Variants in SMC4 observed in about 807,000 individuals in gnomAD.
SMC4 encodes the protein structural maintenance of chromosomes 4, also known as structural maintenance of chromosomes protein 4.
A neutral mutation model predicts 145.6 loss-of-function variants in SMC4; 87 were observed. The observed-to-expected ratio is 0.60, with a 90% CI of 0.50 to 0.71. The LOEUF is 0.71. Among genes scored for constraint, SMC4 ranks in the 30% least tolerant of loss-of-function variants. The pLI is 0.00. For missense variants in SMC4, 1,447 were observed against 1,537.1 expected (o/e 0.94, Z 0.98); for synonymous variants, 558 against 500.7 (o/e 1.11, Z -1.53).
Position 160,400,825 on chromosome 3 carries a change from C to T in SMC4, c.-2C>T. 1 of 1,534,636 alleles carries T rather than the reference C, an allele frequency of 6.5e-7. No individual in the cohort carries two copies. Among genetic ancestry groups the T allele is most frequent in the Non-Finnish European group, 8.7e-7 (1 of 1,150,674 alleles). On this transcript the variant is annotated 5_prime_UTR_variant, in exon 2 of 24. Transcript: ENST00000357388. ...CCCGGCTGTCCCCCGGCCCCAGCGA[C>T]CATGCCCCGTAAAGGCACCCAGCCC...
chr3:160,431,487 C>A (rs1718400550), intron 20 of SMC4, among the ~76,000 whole-genome samples, 156 bp from the exon 21 acceptor site: 1 of 152,128 alleles, frequency 6.6e-6, no homozygotes, highest in African/African-American at 2.4e-5. Context: ...TTGAGTGTTA[C>A]AACTATTTTT....
chr3:160,416,087 A>G (rs1716546386), intron 9 of SMC4, among the ~76,000 whole-genome samples, 164 bp from the exon 10 acceptor site: 1 of 152,222 alleles, frequency 6.6e-6, no homozygotes, highest in Non-Finnish European at 1.5e-5. Context: ...TAGAAATTAC[A>G]GTGAATAGTC....
Position 160,433,794 on chromosome 3 carries a change from T to C in SMC4, c.3852T>C (p.Ser1284=), listed in dbSNP as rs1248551979. 1.2e-6 allele frequency: 2 copies of C among 1,602,700 alleles called. No individual in the cohort carries two copies. Among genetic ancestry groups the C allele is most frequent in the Non-Finnish European group, 1.7e-6 (2 of 1,176,406 alleles). Residue 1284 remains serine, a synonymous_variant, in exon 24 of 24, where the codon TCT becomes TCC. Transcript: ENST00000357388. ...SVAVNPKEIA[S]KGLC is the part of the protein sequence containing the mutation. ...CTGTAAATCCAAAAGAAATTGCATCTAAGGGACTTTGTTGAACTTTATGCT... is the reference window on the plus strand; with the variant it reads ...CTGTAAATCCAAAAGAAATTGCATCCAAGGGACTTTGTTGAACTTTATGCT...
intron 12 of SMC4, 127 bp downstream of exon 12, chr3:160,419,670 T>G (rs1716964655): frequency 7.1e-6 from 6 of 849,838 alleles, no homozygotes; most frequent in Non-Finnish European, 1.0e-5. Flanking sequence ...TTGTTTGTTT[T>G]AAGGCACATT....
chr3:160,425,509 A>G (rs1272279218), intron 16 of SMC4, among the ~76,000 whole-genome samples: 2 of 152,166 alleles, frequency 1.3e-5, no homozygotes, highest in Non-Finnish European at 2.9e-5. Context: ...TTTTAATGTC[A>G]TACTAGCTTT....
rs77260944 is a variant in SMC4, at chr3:160,426,299, A to T, written c.2605+99A>T. ...AGTAGAATAATAATAGAAGCTAAGT[A>T]TATGCAAGTCATTGCACTATTTTAT... is the stretch of plus-strand genomic sequence containing the variant. On this transcript the variant is annotated intron_variant, in intron 17 of 23. Coordinates refer to ENST00000357388, the MANE Select transcript of SMC4 (RefSeq NM_001002800.3). 8,051 of 864,406 alleles carry T rather than the reference A, an allele frequency of 9.3e-3. 463 individuals are homozygous for T. The African/African-American group carries it at 0.12, about 13-fold the overall frequency. The allele number at this position is 864,406 out of a possible 1,614,324, so 53.5% of individuals were successfully genotyped here. A position where few individuals can be genotyped will look rare whatever the true frequency, so the allele number is the denominator to read the frequency against.
rs370132594 is a variant in SMC4, at chr3:160,423,472, T to C, written c.2067T>C (p.Asn689=). 1.2e-6 allele frequency: 2 copies of C among 1,611,548 alleles called. No homozygotes were observed. Among genetic ancestry groups the C allele is most frequent in the African/African-American group, 1.3e-5 (1 of 74,664 alleles). The change falls in exon 14 of 24, where the codon AAT becomes AAC. Residue 689 remains asparagine (N), a synonymous_variant. Coordinates refer to ENST00000357388, the MANE Select transcript of SMC4 (RefSeq NM_001002800.3). ...KKMTEIQTPE[N]TPRLFDLVKV... ...TGACCGAAATTCAAACTCCTGAAAA[T>C]ACTCCTCGTTTATTTGATTTAGTAA...
intron 13 of SMC4, 80 bp from the exon 14 acceptor site, chr3:160,423,345 A>G (rs1452982748): frequency 2.1e-6 from 2 of 934,560 alleles, no homozygotes; most frequent in African/African-American, 2.1e-5. Flanking sequence ...ATTTATTCCT[A>G]TGGGTTTTTT....
intron 2 of SMC4, 22 bp downstream of exon 2, chr3:160,400,987 G>A: frequency 7.3e-7 from 1 of 1,379,274 alleles, no homozygotes; most frequent in Non-Finnish European, 9.3e-7. Flanking sequence ...GCCGCGACTC[G>A]GCGGGAACGC....
intron 5 of SMC4, among the ~76,000 whole-genome samples, chr3:160,410,969 A>G (rs1388977296): frequency 3.9e-5 from 6 of 152,160 alleles, no homozygotes. Context: ...CTATTCTTCC[A>G]TTGTAATAGT....
intron 5 of SMC4, among the ~76,000 whole-genome samples, chr3:160,406,520 A>G (rs1715343021): frequency 6.6e-6 from 1 of 152,164 alleles, no homozygotes; most frequent in Admixed American, 6.5e-5. Context: ...ATCTATCTTA[A>G]AAACTGATTT....
chr3:160,426,027 A>C (rs1448900373), intron 16 of SMC4, 47 bp from the exon 17 acceptor site: 1 of 1,453,126 alleles, frequency 6.9e-7, no homozygotes. Context: ...ACAATGTTTA[A>C]AGCAAATGTT....
chr3:160,429,041 GT>G, intron 18 of SMC4, 99 bp downstream of exon 18: 1 of 1,030,746 alleles, frequency 9.7e-7, no homozygotes, highest in Non-Finnish European at 1.4e-6. Context: ...TTCTCTTACT[GT>G]TAATTTATTG....
intron 11 of SMC4, among the ~76,000 whole-genome samples, chr3:160,418,459 C>A (rs1464501738): frequency 6.6e-6 from 1 of 152,196 alleles, no homozygotes; most frequent in Non-Finnish European, 1.5e-5. Context: ...AAACTTTAAT[C>A]TCCAAAGATC....
chr3:160,426,614 T>C (rs746959045), intron 17 of SMC4, among the ~76,000 whole-genome samples: 1 of 151,170 alleles, frequency 6.6e-6, no homozygotes, highest in African/African-American at 2.4e-5. Context: ...TATATATGTA[T>C]TTTTTTTCTT....
At chr3:160,404,215 A>G (rs560553112) in intron 4 of SMC4, 113 bp from the exon 5 acceptor site, 9 of 910,218 alleles carry the variant, frequency 9.9e-6, no homozygotes, top group East Asian at 2.8e-5. Context: ...TGCATGTTCA[A>G]TTGAAGTTTT....
Position 160,407,613 on chromosome 3 carries a change from TTAAC to T in SMC4, c.687+3110_687+3113del, listed in dbSNP as rs576287066. On this transcript the variant is annotated intron_variant, in intron 5 of 23. Coordinates refer to ENST00000357388, the MANE Select transcript of SMC4 (RefSeq NM_001002800.3). The stretch of plus-strand genomic sequence containing the variant: ...ATTATTTTGTAATTTGGAGATTTAA[TTAAC>T]CTAGGTCTGAGTTGTTGCCTAGCCA... 3.6e-3 allele frequency among the ~76,000 whole-genome samples: 549 copies of T among 152,230 alleles called. 3 individuals carry two copies. The highest frequency in any genetic ancestry group is 0.012 in the African/African-American group (481 of 41,522).
At chr3:160,423,371 G>GTGTTT in intron 13 of SMC4, 54 bp from the exon 14 acceptor site, 2 of 397,976 alleles carry the variant, frequency 5.0e-6, no homozygotes, top group African/African-American at 4.3e-5. Context: ...TTTTTTTTTT[G>GTGTTT]AGTTTTCTTT....
intron 17 of SMC4, among the ~76,000 whole-genome samples, chr3:160,428,423 A>G (rs1225767915): frequency 2.0e-5 from 3 of 152,208 alleles, no homozygotes; most frequent in East Asian, 1.9e-4. Flanking sequence ...CACATAGTGT[A>G]TCTAAGGCTA....
Sources: gnomAD v4.1 joint callset for allele counts (sites outside exome capture counted in the v4.1 genomes callset) on GRCh38, gnomAD v4.1.1 for gene constraint, MANE v1.5 for transcripts, NCBI Gene and HGNC (gene_info 2026-07-23, HGNC 2026-07-21) for gene names.